The following TTC9B variants were observed in gnomAD, a reference collection of about 807,000 sequenced individuals.
The protein encoded by TTC9B is tetratricopeptide repeat domain 9B, also known as tetratricopeptide repeat protein 9B.
Under a neutral mutation model 19.4 loss-of-function variants are expected in TTC9B, and 12 were observed. The observed-to-expected ratio is 0.62, with a 90% confidence interval of 0.40 to 1.00. The LOEUF (loss-of-function observed/expected upper bound fraction) is 1.00, where lower values mean the gene tolerates loss of function less well. Among genes scored for constraint, TTC9B ranks in the 50% least tolerant of loss-of-function variants. The pLI is 0.00. For missense variants in TTC9B, 316 were observed against 345.2 expected (o/e 0.92, Z 0.67); for synonymous variants, 156 against 158.6 (o/e 0.98, Z 0.12).
intron 2 of TTC9B, 55 bp downstream of exon 2, chr19:40,217,132 G>GC: frequency 6.5e-7 from 1 of 1,550,050 alleles, no homozygotes; most frequent in Non-Finnish European, 8.7e-7. Context: ...CTCCGCTGCA[G>GC]CCCCTTTCCC....
chr19:40,218,088 C>G lies in TTC9B; in HGVS notation c.294G>C (p.Ala98=). 1 of 1,552,230 alleles carries G rather than the reference C, an allele frequency of 6.4e-7. No individual in the cohort carries two copies. Among genetic ancestry groups the G allele is most frequent in the Non-Finnish European group, 8.7e-7 (1 of 1,154,854 alleles). ...GCAGGCCGCTAGGGCGGGCCCCCTGCGCCGCCTTCAGCTGCAGCAGCGCTC... is the reference window on the plus strand; with the variant it reads ...GCAGGCCGCTAGGGCGGGCCCCCTGGGCCGCCTTCAGCTGCAGCAGCGCTC... The part of the protein sequence containing the change: ...YHRALLQLKA[A]QGARPSGLPA... The change falls in exon 1 of 3, where the codon GCG becomes GCC. Residue 98 remains alanine (A), a synonymous_variant. Coordinates refer to ENST00000311308, the MANE Select transcript of TTC9B (RefSeq NM_152479.6). The surrounding 1 kb of genome is among the most constrained non-coding windows in gnomAD (Gnocchi z 4.2).
intron 1 of TTC9B, 45 bp downstream of exon 1, chr19:40,217,910 G>GGCC: frequency 7.5e-7 from 1 of 1,327,616 alleles, no homozygotes; most frequent in Non-Finnish European, 9.9e-7. Context: ...TCTCCCGATT[G>GGCC]CCCCCTCCCC....
At chr19:40,217,932 C>G in intron 1 of TTC9B, 23 bp downstream of exon 1, 4 of 1,174,254 alleles carry the variant, frequency 3.4e-6, no homozygotes, top group Non-Finnish European at 3.4e-6. Context: ...CGTGCCCCAT[C>G]CCCCCACCCC....
chr19:40,218,169 C>G lies in TTC9B; in HGVS notation c.213G>C (p.Glu71Asp). The part of the protein sequence containing the change: ...SLRAAVAFKA[E>D]GQRCYREKKF... Reference sequence around the variant, plus strand: ...TCTTCTCTCGATAGCAGCGCTGGCCCTCTGCCTTGAACGCCACGGCGGCAC... The same window carrying G: ...TCTTCTCTCGATAGCAGCGCTGGCCGTCTGCCTTGAACGCCACGGCGGCAC... Residue 71 changes from glutamate (E) to aspartate (D), a missense_variant, in exon 1 of 3, where the codon GAG becomes GAC. Transcript: ENST00000311308. The surrounding 1 kb of genome is among the most constrained non-coding windows in gnomAD (Gnocchi z 4.2). 1 of 1,577,508 alleles carries G rather than the reference C, an allele frequency of 6.3e-7. No homozygotes were observed. The highest frequency in any genetic ancestry group is 1.4e-5 in the African/African-American group (1 of 70,900).
At chr19:40,217,587 GA>G in intron 1 of TTC9B, 1 of 623,234 alleles carries the variant, frequency 1.6e-6, no homozygotes, top group Non-Finnish European at 2.7e-6. Flanking sequence ...GATCCACCCA[GA>G]GCTGTCGGTG....
chr19:40,216,580 A>G, intron 2 of TTC9B: 1 of 415,070 alleles, frequency 2.4e-6, no homozygotes, highest in Non-Finnish European at 4.4e-6. Flanking sequence ...GAGCCACTTA[A>G]CAGGAAAACT....
In TTC9B at chr19:40,216,146, G is replaced by C. The variant is rs748028557; in HGVS notation, c.*17C>G. On this transcript the variant is annotated 3_prime_UTR_variant, in exon 3 of 3. Transcript: ENST00000311308. ...AGGTGGGAGGGCGAGGGATAGAGAG[G>C]TCCCCCTGGATTGGCCTCAGCCAAT... The C allele has an allele frequency of 8.7e-6, 14 of 1,604,704 alleles. No individual in the cohort carries two copies. In the Admixed American group the frequency reaches 2.3e-4, roughly 27 times the overall value.
intron 1 of TTC9B, 148 bp from the exon 2 acceptor site, chr19:40,217,517 A>T (rs888823512): frequency 4.9e-6 from 5 of 1,018,652 alleles, no homozygotes; most frequent in Middle Eastern, 3.3e-4. Context: ...TCGCCTATCG[A>T]AACAGGCGCA....
intron 1 of TTC9B, 47 bp downstream of exon 1, chr19:40,217,908 T>C: frequency 7.5e-7 from 1 of 1,338,586 alleles, no homozygotes; most frequent in Non-Finnish European, 9.8e-7. Context: ...GCTCTCCCGA[T>C]TGCCCCCTCC....
At position 40,218,282 on chromosome 19, in the gene TTC9B, C is replaced by A; in HGVS notation, c.100G>T (p.Gly34Cys). 6.9e-7 allele frequency: 1 copy of A among 1,443,778 alleles called. No individual in the cohort carries two copies. 89.4% of individuals were successfully genotyped at this position (1,443,778 alleles called of 1,614,324 possible). ...PALSPPGSGP[G>C]SGSRHGSARP... ...GCCGAGCCATGGCGGGAGCCCGAGCCTGGGCCCGAGCCCGGTGGGGAGAGG... is the reference window on the plus strand; with the variant it reads ...GCCGAGCCATGGCGGGAGCCCGAGCATGGGCCCGAGCCCGGTGGGGAGAGG... The change falls in exon 1 of 3, where the codon GGC (glycine) becomes TGC (cysteine). Residue 34 changes from glycine (G) to cysteine (C), a missense_variant. Gly to Cys is a radical substitution (Grantham distance 159). Coordinates refer to ENST00000311308, the MANE Select transcript of TTC9B (RefSeq NM_152479.6). This position sits in a 1 kb window ranked among gnomAD's most constrained non-coding sequence, Gnocchi z 4.2.
chr19:40,217,835 T>TC, intron 1 of TTC9B, 120 bp downstream of exon 1: 2 of 903,928 alleles, frequency 2.2e-6, no homozygotes, highest in Non-Finnish European at 3.1e-6. Flanking sequence ...CTCTGAAGGC[T>TC]CCCCCAGAAG....
chr19:40,216,984 T>G, intron 2 of TTC9B: 1 of 608,490 alleles, frequency 1.6e-6, no homozygotes. Flanking sequence ...GGACGGATGT[T>G]TGAATGGCGG....
intron 1 of TTC9B, 80 bp downstream of exon 1, chr19:40,217,875 G>T: frequency 7.7e-7 from 1 of 1,301,810 alleles, no homozygotes; most frequent in Non-Finnish European, 1.0e-6. Flanking sequence ...CAGCCCCAGG[G>T]CCCCTGGCCC....
At chr19:40,216,757 C>T (rs1973373062) in intron 2 of TTC9B, 2 of 300,626 alleles carry the variant, frequency 6.7e-6, no homozygotes, top group East Asian at 7.0e-5. Context: ...CATCGTCCAC[C>T]CGAGTGGATG....
In TTC9B at chr19:40,217,292, C is replaced by T; in HGVS notation, c.505G>A (p.Gly169Ser). The T allele has an allele frequency of 6.2e-7, 1 of 1,614,052 alleles. No individual in the cohort carries two copies. The highest frequency in any genetic ancestry group is 8.5e-7 in the Non-Finnish European group (1 of 1,179,948). ...GCACGGTAGGTGGCCTTGAAGTTGC[C>T]CTGCTGCTTCTCCAGTACCTTGAGA... ...YCLKVLEKQQ[G>S]NFKATYRAGI... is the part of the protein sequence containing the mutation. The change falls in exon 2 of 3, where the codon GGC (glycine) becomes AGC (serine). Residue 169 changes from glycine to serine, a missense_variant. Coordinates refer to ENST00000311308, the MANE Select transcript of TTC9B (RefSeq NM_152479.6).
At position 40,216,635 on chromosome 19, in the gene TTC9B, C is replaced by G. The variant is rs979284132; in HGVS notation, c.611-363G>C. The G allele has an allele frequency of 4.0e-5, 13 of 328,194 alleles. No individual in the cohort carries two copies. In the East Asian group the frequency reaches 8.4e-4, roughly 21 times the overall value. 20.3% of individuals were successfully genotyped at this position (328,194 alleles called of 1,614,324 possible). On this transcript the variant is annotated intron_variant, in intron 2 of 2. Coordinates refer to ENST00000311308, the MANE Select transcript of TTC9B (RefSeq NM_152479.6). The stretch of plus-strand genomic sequence containing the variant: ...CAACCCTGCACCTGTTGTAATCCCT[C>G]TTCCTTCTTCATTGGCTCTTAATAC...
intron 1 of TTC9B, 101 bp downstream of exon 1, chr19:40,217,854 C>T (rs953011194): frequency 4.3e-6 from 5 of 1,157,066 alleles, no homozygotes. Context: ...AGCCCACAGC[C>T]CTGGACCCTT....
chr19:40,217,087 C>T, intron 2 of TTC9B, 100 bp downstream of exon 2: 2 of 1,330,200 alleles, frequency 1.5e-6, no homozygotes, highest in Admixed American at 4.5e-5. Flanking sequence ...GGGAGGAGGG[C>T]TCTGCTATTC....
Position 40,216,189 on chromosome 19 carries a change from A to T in TTC9B, c.694T>A (p.Ser232Thr). ...CAGCCAATTACATCCCGAGTCTGGG[A>T]CCCAGCCCCACTGTCTTCCCGCTGG... ...SLQREDSGAG[S>T]QTRDVIG Residue 232 changes from serine (S) to threonine (T), a missense_variant, in exon 3 of 3, where the codon TCC becomes ACC. By Grantham distance (58) the Ser-to-Thr change is moderately conservative. Transcript: ENST00000311308. The T allele has an allele frequency of 6.2e-7, 1 of 1,614,144 alleles. No individual in the cohort carries two copies.
Sources: gnomAD v4.1 joint callset for allele counts on GRCh38, gnomAD v4.1.1 for gene constraint, Gnocchi (gnomAD v3.1) non-coding constraint, MANE v1.5 for transcripts, NCBI Gene and HGNC (gene_info 2026-07-23, HGNC 2026-07-21) for gene names.